The following REDIC1 variants were observed in gnomAD, a reference collection of about 807,000 sequenced individuals.
REDIC1 encodes HEI10 Interacting Protein 1.
chr12:39,683,182 T>C, the REDIC1 span: 2 of 1,499,092 alleles, frequency 1.3e-6, no homozygotes, highest in African/African-American at 2.8e-5. Flanking sequence ...TATTCTTTTT[T>C]TCTTTCAGTT....
chr12:39,712,769 G>A, the REDIC1 span, among the ~76,000 whole-genome samples: 1 of 145,608 alleles, frequency 6.9e-6, no homozygotes, highest in Non-Finnish European at 1.5e-5. Flanking sequence ...ATATACGTAT[G>A]TATACATGTG....
chr12:39,855,718 T>G, the REDIC1 span, among the ~76,000 whole-genome samples: 1 of 152,362 alleles, frequency 6.6e-6, no homozygotes, highest in African/African-American at 2.4e-5. Flanking sequence ...CTAAGCTGTA[T>G]AGAACTTACA....
the REDIC1 span, among the ~76,000 whole-genome samples, chr12:39,669,312 G>A: frequency 0.062 from 9,450 of 152,228 alleles, 389 homozygotes; most frequent in Non-Finnish European, 0.094. Context: ...GTATGCTGGA[G>A]GTCCACTCCA....
the REDIC1 span, among the ~76,000 whole-genome samples, chr12:39,710,875 GT>G: frequency 7.4e-5 from 11 of 148,184 alleles, no homozygotes; most frequent in South Asian, 2.2e-4. Flanking sequence ...CTCAATAAGT[GT>G]TTTTTTTTCA....
chr12:39,878,408 G>A, the REDIC1 span, among the ~76,000 whole-genome samples: 1 of 152,218 alleles, frequency 6.6e-6, no homozygotes, highest in Non-Finnish European at 1.5e-5. Flanking sequence ...TATGGACGGT[G>A]AAGTCTAGAC....
At chr12:39,639,622 T>C in the REDIC1 span, among the ~76,000 whole-genome samples, 1 of 151,958 alleles carries the variant, frequency 6.6e-6, no homozygotes, top group African/African-American at 2.4e-5. Flanking sequence ...ATAAGCAGTG[T>C]GATCTTGGGG....
At chr12:39,772,499 T>C in the REDIC1 span, among the ~76,000 whole-genome samples, 1 of 152,096 alleles carries the variant, frequency 6.6e-6, no homozygotes, top group South Asian at 2.1e-4. Flanking sequence ...ACATTTGCAT[T>C]TGTTTAATTG....
At chr12:39,898,734 T>C in the REDIC1 span, among the ~76,000 whole-genome samples, 1 of 152,144 alleles carries the variant, frequency 6.6e-6, no homozygotes, top group Non-Finnish European at 1.5e-5. Flanking sequence ...CATGTGTTCA[T>C]GGAATGGAAC....
At chr12:39,807,018 G>T in the REDIC1 span, among the ~76,000 whole-genome samples, 8 of 152,174 alleles carry the variant, frequency 5.3e-5, no homozygotes, top group Non-Finnish European at 1.0e-4. Flanking sequence ...AGATGACAAC[G>T]TTCCAGAAAT....
chr12:39,747,799 A>C, the REDIC1 span, among the ~76,000 whole-genome samples: 9 of 152,242 alleles, frequency 5.9e-5, no homozygotes, highest in Non-Finnish European at 1.0e-4. Flanking sequence ...AAGAATTTTC[A>C]ACCCAGAATT....
At chr12:39,694,469 G>C in the REDIC1 span, among the ~76,000 whole-genome samples, 3 of 152,140 alleles carry the variant, frequency 2.0e-5, no homozygotes, top group African/African-American at 7.2e-5. Flanking sequence ...TTGAGGCATT[G>C]AACTCAGCAC....
chr12:39,786,401 T>TTCTGAGGCCTCCCCAGCCATGG, the REDIC1 span, among the ~76,000 whole-genome samples: 1 of 1,238 alleles, frequency 8.1e-4, no homozygotes, highest in African/African-American at 2.5e-3. Context: ...CCCAGCCATG[T>TTCTGAGGCCTCCCCAGCCATGG]GGAACTGTGA....
At chr12:39,878,354 T>C in the REDIC1 span, among the ~76,000 whole-genome samples, 1 of 152,160 alleles carries the variant, frequency 6.6e-6, no homozygotes, top group Admixed American at 6.5e-5. Flanking sequence ...TTTGGAACTT[T>C]TAAGAGACCG....
chr12:39,815,332 G>A, the REDIC1 span, among the ~76,000 whole-genome samples: 2 of 152,276 alleles, frequency 1.3e-5, no homozygotes, highest in East Asian at 1.9e-4. Context: ...GGCCTTTATT[G>A]TTAACTATTG....
the REDIC1 span, among the ~76,000 whole-genome samples, chr12:39,664,373 G>A: frequency 6.6e-6 from 1 of 151,948 alleles, no homozygotes; most frequent in Admixed American, 6.6e-5. Flanking sequence ...ATGGTTTCCA[G>A]CTTCATCCAT....
chr12:39,711,249 T>C, the REDIC1 span, among the ~76,000 whole-genome samples: 12 of 149,542 alleles, frequency 8.0e-5, no homozygotes, highest in Admixed American at 3.3e-4. Context: ...ATGTGATGTG[T>C]ATATATATAT....
At chr12:39,720,826 G>A in the REDIC1 span, 1 of 1,612,050 alleles carries the variant, frequency 6.2e-7, no homozygotes, top group Non-Finnish European at 8.5e-7. Context: ...GCAAATTGAA[G>A]ATTCAAATAG....
chr12:39,882,601 G>A, the REDIC1 span, among the ~76,000 whole-genome samples: 3 of 152,166 alleles, frequency 2.0e-5, no homozygotes, highest in Admixed American at 6.6e-5. Flanking sequence ...CACTATCCCA[G>A]TCTATGCAGC....
the REDIC1 span, among the ~76,000 whole-genome samples, chr12:39,633,170 A>G: frequency 6.6e-6 from 1 of 152,060 alleles, no homozygotes; most frequent in African/African-American, 2.4e-5. Flanking sequence ...TGACTGTTTC[A>G]TAATAACACT....
Sources: gnomAD v4.1 joint callset for allele counts (sites outside exome capture counted in the v4.1 genomes callset) on GRCh38, gnomAD v4.1.1 for gene constraint, MANE v1.5 for transcripts, NCBI Gene and HGNC (gene_info 2026-07-23, HGNC 2026-07-21) for gene names.